LRRC53: variants seen among roughly 807,000 people sequenced by gnomAD.
LRRC53 encodes leucine-rich repeat-containing protein 53.
In LRRC53, 25 loss-of-function variants were observed where a neutral mutation model predicts 13.6. That is an observed-to-expected ratio of 1.83 (90% confidence interval 1.34 to 2.56). The LOEUF (loss-of-function observed/expected upper bound fraction) is 2.56. Ranked by LOEUF, LRRC53 falls within the 30% of genes most tolerant of loss-of-function variation. LRRC53 has a pLI of 0.00. For synonymous variants in LRRC53, 204 were observed against 109.8 expected (o/e 1.86, Z -5.37); for missense variants, 527 against 275.8 (o/e 1.91, Z -6.45).
Position 74,475,298 on chromosome 1 carries a change from C to T in LRRC53, c.1417G>A (p.Glu473Lys), listed in dbSNP as rs1463231833. 1 of 648,724 alleles carries T rather than the reference C, an allele frequency of 1.5e-6. No individual in the cohort carries two copies. Among genetic ancestry groups the T allele is most frequent in the Admixed American group, 2.7e-5 (1 of 37,054 alleles). The allele number at this position is 648,724 out of a possible 1,614,324, so 40.2% of individuals were successfully genotyped here. A position where few individuals can be genotyped will look rare whatever the true frequency, so the allele number is the denominator to read the frequency against. Residue 473 changes from glutamate (E) to lysine (K), a missense_variant, in exon 4 of 5, where the codon GAA becomes AAA. By Grantham distance (56) the Glu-to-Lys change is moderately conservative (BLOSUM62 1). Transcript: ENST00000294635. ...TTCTAAAACAAGACAAACTCACCTT[C>T]TGTTCTTATTATATGGTGTTGCAGA... ...QTLQHHIIRTEDISSDIFRRR... is the reference protein window; with the variant it reads ...QTLQHHIIRTKDISSDIFRRR...
At position 74,477,370 on chromosome 1, in the gene LRRC53, A is replaced by G. The variant is rs1463131933; in HGVS notation, c.905-1560T>C. ...GTGACATGTTTAATACAGTGCTTTG[A>G]TTCAGTGAATGTTCATTGTGATTTG... On this transcript the variant is annotated intron_variant, in intron 3 of 4. Transcript: ENST00000294635. Among the ~76,000 whole-genome samples the G allele has an allele frequency of 7.9e-5, 12 of 152,130 alleles. No homozygotes were observed. In the East Asian group the frequency reaches 2.1e-3, roughly 27 times the overall value.
In LRRC53 at chr1:74,489,226, A is replaced by G. The variant is rs537212164; in HGVS notation, c.-26-5851T>C. On this transcript the variant is annotated intron_variant, in intron 1 of 4. Transcript: ENST00000294635. ...TTTTCTGAAGTTGTCATGAAGTTAG[A>G]AGAGTGTCTCTGCAACATTGAGGTA... 21 of 1,612,302 alleles carry G rather than the reference A, an allele frequency of 1.3e-5. No homozygotes were observed. In the East Asian group the frequency reaches 4.2e-4, roughly 33 times the overall value.
At chr1:74,481,368 G>T (rs535581912) in intron 2 of LRRC53, among the ~76,000 whole-genome samples, 1 of 152,278 alleles carries the variant, frequency 6.6e-6, no homozygotes, top group South Asian at 2.1e-4. Flanking sequence ...AGCTGAGCCT[G>T]TGTCTGACCC....
At chr1:74,481,374 G>T (rs895223726) in intron 2 of LRRC53, among the ~76,000 whole-genome samples, 2 of 152,154 alleles carry the variant, frequency 1.3e-5, no homozygotes, top group Non-Finnish European at 2.9e-5. Context: ...GCCTGTGTCT[G>T]ACCCCCATAG....
At chr1:74,533,161 A>G in the LRRC53 span, among the ~76,000 whole-genome samples, 3 of 152,180 alleles carry the variant, frequency 2.0e-5, no homozygotes, top group African/African-American at 7.2e-5. Flanking sequence ...TTCGCAACCT[A>G]CTCATCTGAC....
At chr1:74,476,629 A>G (rs540951725) in intron 3 of LRRC53, among the ~76,000 whole-genome samples, 3 of 152,246 alleles carry the variant, frequency 2.0e-5, no homozygotes, top group South Asian at 2.1e-4. Context: ...TAATGAAATC[A>G]TTGGTGATCT....
chr1:74,502,433 G>A (rs1414325302), intron 1 of LRRC53, among the ~76,000 whole-genome samples: 1 of 152,154 alleles, frequency 6.6e-6, no homozygotes, highest in Admixed American at 6.5e-5. Context: ...TGTAAGCAAT[G>A]CATATAACTA....
chr1:74,479,895 G>A (rs17095414), intron 3 of LRRC53, among the ~76,000 whole-genome samples: 2,876 of 152,270 alleles, frequency 0.019, 89 homozygotes, highest in African/African-American at 0.065. Flanking sequence ...CCTGTTCAAG[G>A]TCACCAATGC....
rs527332861 is a variant in LRRC53 at position 74,500,430 on chromosome 1, C to T, written c.-27+12096G>A. ...TCCCGGCTAAAAAACGGTGAAACCCCGTCTCTACTAAAAATACAAAAAAAT... is the reference window on the plus strand; with the variant it reads ...TCCCGGCTAAAAAACGGTGAAACCCTGTCTCTACTAAAAATACAAAAAAAT... On this transcript the variant is annotated intron_variant, in intron 1 of 4. Coordinates refer to ENST00000294635, the MANE Select transcript of LRRC53 (RefSeq NM_001382280.1). Among the ~76,000 whole-genome samples, 283 of 151,186 alleles carry T rather than the reference C, an allele frequency of 1.9e-3. 10 individuals carry two copies. In the South Asian group the frequency reaches 0.056, roughly 30 times the overall value.
At chr1:74,492,365 C>T in intron 1 of LRRC53, 2 of 1,315,242 alleles carry the variant, frequency 1.5e-6, no homozygotes, top group Non-Finnish European at 2.0e-6. Flanking sequence ...GTTTGATTAC[C>T]CCCTGAAAAA....
Position 74,475,742 on chromosome 1 carries a change from C to A in LRRC53, c.973G>T (p.Glu325Ter). ...CAACAAAGGTTTTCTGATGTGTGTT[C>A]ATTTGCTTTGCCTTGGTGGAGTTTC... is the stretch of plus-strand genomic sequence containing the variant. ...NWKLHQGKAN[E>*]HTSENLCCRT... is the part of the protein sequence containing the mutation. Residue 325 changes from glutamate (E) to a stop codon, truncating the protein, a stop_gained, in exon 4 of 5, where the codon GAA (glutamate) becomes TAA (stop). Transcript: ENST00000294635. LOFTEE classifies it high-confidence loss of function. 1 of 667,770 alleles carries A rather than the reference C, an allele frequency of 1.5e-6. No individual in the cohort carries two copies. Among genetic ancestry groups the A allele is most frequent in the Non-Finnish European group, 2.8e-6 (1 of 361,958 alleles). 41.4% of individuals were successfully genotyped at this position (667,770 alleles called of 1,614,324 possible).
chr1:74,485,810 G>A (rs75249387), intron 1 of LRRC53, among the ~76,000 whole-genome samples: 2,931 of 152,210 alleles, frequency 0.019, 95 homozygotes, highest in African/African-American at 0.067. Flanking sequence ...TCTAGAATTT[G>A]AGAGTCATTT....
chr1:74,497,934 C>T (rs1013187615), intron 1 of LRRC53, among the ~76,000 whole-genome samples: 2 of 151,998 alleles, frequency 1.3e-5, no homozygotes, highest in Non-Finnish European at 2.9e-5. Context: ...GATACTGTCG[C>T]TCTCTCTCTT....
At chr1:74,532,363 T>A in the LRRC53 span, among the ~76,000 whole-genome samples, 15 of 152,324 alleles carry the variant, frequency 9.8e-5, no homozygotes, top group Admixed American at 3.9e-4. Context: ...TATGTGCAAA[T>A]AATCCAAAAC....
chr1:74,494,836 C>T (rs1050582575), intron 1 of LRRC53, among the ~76,000 whole-genome samples: 2 of 152,082 alleles, frequency 1.3e-5, no homozygotes, highest in Non-Finnish European at 2.9e-5. Flanking sequence ...AGTGACAGTA[C>T]TTGATTGAAA....
chr1:74,474,538 A>G (rs964914994), intron 4 of LRRC53, among the ~76,000 whole-genome samples: 2 of 152,194 alleles, frequency 1.3e-5, no homozygotes, highest in African/African-American at 2.4e-5. Context: ...ACTCTTAGAG[A>G]AAGCTCTGCT....
chr1:74,491,245 G>C (rs1359809100), intron 1 of LRRC53, among the ~76,000 whole-genome samples: 1 of 152,174 alleles, frequency 6.6e-6, no homozygotes, highest in Non-Finnish European at 1.5e-5. Flanking sequence ...TTTTGAGAGA[G>C]AGTCTCGCTC....
At chr1:74,515,714 G>A (rs1646339736), upstream of LRRC53, among the ~76,000 whole-genome samples, 1 of 152,180 alleles carries the variant, frequency 6.6e-6, no homozygotes, top group South Asian at 2.1e-4. Flanking sequence ...AACACTGATG[G>A]AAATAACTAA....
At chr1:74,503,302 A>G (rs1669729164) in intron 1 of LRRC53, among the ~76,000 whole-genome samples, 1 of 152,244 alleles carries the variant, frequency 6.6e-6, no homozygotes, top group African/African-American at 2.4e-5. Context: ...TTTAATATTT[A>G]TAAATTTAAT....
Sources: allele counts gnomAD v4.1 joint callset (sites outside exome capture counted in the v4.1 genomes callset), GRCh38; gene constraint gnomAD v4.1.1; transcripts MANE v1.5; gene names NCBI Gene and HGNC (gene_info 2026-07-23, HGNC 2026-07-21).